Variants in ZER1 observed in about 807,000 individuals in gnomAD.
ZER1 encodes protein zer-1 homolog.
A neutral mutation model predicts 78.8 loss-of-function variants in ZER1; 11 were observed. The ratio of observed to expected loss-of-function variants is 0.14; its 90% CI spans 0.09 to 0.23. The LOEUF is 0.23. ZER1 is among the 10% of genes least tolerant of loss of function. The pLI is 1.00. For synonymous variants in ZER1, 400 were observed against 407.0 expected (o/e 0.98, Z 0.21); for missense variants, 588 against 996.9 (o/e 0.59, Z 5.52).
chr9:128,731,574 C>A (rs1298862854), intron 15 of ZER1, among the ~76,000 whole-genome samples, 180 bp from the exon 16 acceptor site: 1 of 152,154 alleles, frequency 6.6e-6, no homozygotes, highest in Non-Finnish European at 1.5e-5. Flanking sequence ...CAGGGAATGG[C>A]ACCTGTGGCC....
At position 128,753,524 on chromosome 9, in the gene ZER1, T is replaced by C; in HGVS notation, c.386A>G (p.His129Arg). The change falls in exon 4 of 16, where the codon CAC (histidine) becomes CGC (arginine). Residue 129 changes from histidine to arginine, a missense_variant. His to Arg is a conservative substitution (Grantham distance 29). This residue lies in a region of ZER1 where 406 missense variants were observed against 660.1 expected (regional missense o/e 0.62). Coordinates refer to ENST00000291900, the MANE Select transcript of ZER1 (RefSeq NM_006336.4). The surrounding 1 kb of genome is among the most constrained non-coding windows in gnomAD (Gnocchi z 7.5). ...GAAGAGGCTCAAGGACACCAGGGTG[T>C]GGCTGAAGCTCCTCAGTGTCTGCAG... The part of the protein sequence containing the change: ...KSLQTLRSFS[H>R]TLVSLSLFGC... The C allele has an allele frequency of 6.2e-7, 1 of 1,614,094 alleles. No individual in the cohort carries two copies. Among genetic ancestry groups the C allele is most frequent in the African/African-American group, 1.3e-5 (1 of 75,062 alleles).
intron 14 of ZER1, among the ~76,000 whole-genome samples, chr9:128,734,647 C>A (rs1862998655): frequency 6.6e-6 from 1 of 152,008 alleles, no homozygotes; most frequent in Non-Finnish European, 1.5e-5. Flanking sequence ...AGCGCTCATT[C>A]TATGGAAGAT....
intron 1 of ZER1, among the ~76,000 whole-genome samples, chr9:128,763,800 C>A (rs1300904781): frequency 6.6e-6 from 1 of 152,080 alleles, no homozygotes; most frequent in African/African-American, 2.4e-5. Flanking sequence ...CCAGCCTGGC[C>A]AACATGGTGA....
intron 11 of ZER1, 117 bp downstream of exon 11, chr9:128,741,418 C>T: frequency 2.0e-6 from 3 of 1,488,792 alleles, no homozygotes; most frequent in South Asian, 2.4e-5. Flanking sequence ...CCCCACTGCC[C>T]TTCTCCAGGA....
chr9:128,765,425 C>T (rs183493363), intron 1 of ZER1, among the ~76,000 whole-genome samples: 1 of 152,346 alleles, frequency 6.6e-6, no homozygotes, highest in Admixed American at 6.5e-5. Flanking sequence ...CACAACTAAG[C>T]AGAAGCTTGC....
chr9:128,752,327 C>CTT (rs144410732), intron 5 of ZER1, among the ~76,000 whole-genome samples: 7 of 143,388 alleles, frequency 4.9e-5, no homozygotes, highest in South Asian at 2.2e-4. Flanking sequence ...CAAATACTTT[C>CTT]TTTTTTTTTT....
rs111948467 is a variant in ZER1, at chr9:128,741,247, C to T, written c.1737+288G>A. ...AACAGACCCGCTGTCCAGCTCGTAG[C>T]GTAGTGGGCTCTGGCCAGCTGTGGG... is the stretch of plus-strand genomic sequence containing the variant. On this transcript the variant is annotated intron_variant, in intron 11 of 15. Coordinates refer to ENST00000291900, the MANE Select transcript of ZER1 (RefSeq NM_006336.4). 3.2e-3 allele frequency among the ~76,000 whole-genome samples: 492 copies of T among 152,314 alleles called. 2 individuals carry two copies. Among genetic ancestry groups the T allele is most frequent in the African/African-American group, 0.011 (467 of 41,570 alleles).
chr9:128,749,053 C>T (rs1044735151), intron 8 of ZER1, among the ~76,000 whole-genome samples: 1 of 149,038 alleles, frequency 6.7e-6, no homozygotes, highest in African/African-American at 2.5e-5. Context: ...TGTGGCTGAG[C>T]ACGGTGGCTC....
rs954470507 is a variant in ZER1 at position 128,732,629 on chromosome 9, G to T, written c.2243+797C>A. ...GATGCACCCACCTCAGCCTCCCAAA[G>T]TGCTAGGATTACAGGTGTGAGCCAC... On this transcript the variant is annotated intron_variant, in intron 15 of 15. Transcript: ENST00000291900. This position sits in a 1 kb window ranked among gnomAD's most constrained non-coding sequence, Gnocchi z 4.8. Among the ~76,000 whole-genome samples, 1 of 152,186 alleles carries T rather than the reference G, an allele frequency of 6.6e-6. No individual in the cohort carries two copies. The highest frequency in any genetic ancestry group is 1.5e-5 in the Non-Finnish European group (1 of 68,038).
chr9:128,768,023 GA>G (rs1292195944), intron 1 of ZER1, among the ~76,000 whole-genome samples: 1 of 152,226 alleles, frequency 6.6e-6, no homozygotes, highest in Non-Finnish European at 1.5e-5. Context: ...CGCGTGTTGT[GA>G]ACAGGGTTGC....
chr9:128,748,152 T>C (rs1863555511), intron 8 of ZER1, among the ~76,000 whole-genome samples: 1 of 151,982 alleles, frequency 6.6e-6, no homozygotes, highest in South Asian at 2.1e-4. Flanking sequence ...ATGCCTATAA[T>C]CCCAGCACTT....
At chr9:128,752,176 C>T (rs1227274494) in intron 5 of ZER1, among the ~76,000 whole-genome samples, 4 of 152,192 alleles carry the variant, frequency 2.6e-5, no homozygotes, top group African/African-American at 4.8e-5. Flanking sequence ...CAGGCCACAC[C>T]GGGGCCCTGG....
chr9:128,762,900 G>A (rs545515661), intron 1 of ZER1, among the ~76,000 whole-genome samples: 3 of 152,276 alleles, frequency 2.0e-5, no homozygotes, highest in African/African-American at 7.2e-5. Flanking sequence ...GGAACCAGAG[G>A]GAGCACTGCT....
rs773813493 is a variant in ZER1, at chr9:128,751,215, C to T, written c.1092G>A (p.Thr364=). ...EQVLNAIEAY[T]EHRPEITSRA... ...GCGAGGTGATCTCAGGCCGGTGCTC[C>T]GTGTAGGCCTCGATGGCATTCAGCA... The change falls in exon 7 of 16, where the codon ACG becomes ACA. Residue 364 remains threonine (T), a synonymous_variant. Transcript: ENST00000291900. The surrounding 1 kb of genome is among the most constrained non-coding windows in gnomAD (Gnocchi z 5.4). 1.3e-4 allele frequency: 214 copies of T among 1,606,406 alleles called. No homozygotes were observed. The highest frequency in any genetic ancestry group is 1.7e-4 in the Non-Finnish European group (202 of 1,173,736).
At chr9:128,765,471 C>A (rs1024190018) in intron 1 of ZER1, among the ~76,000 whole-genome samples, 24 of 152,136 alleles carry the variant, frequency 1.6e-4, no homozygotes, top group African/African-American at 5.8e-4. Flanking sequence ...GGGATGCAAA[C>A]CTAAAGCAGA....
chr9:128,736,284 C>G (rs917339708), intron 13 of ZER1, among the ~76,000 whole-genome samples: 1 of 152,042 alleles, frequency 6.6e-6, no homozygotes, highest in African/African-American at 2.4e-5. Flanking sequence ...CAGGGTTTCA[C>G]TATGTTGGCC....
chr9:128,771,708 AGAGCCGGGGTCCAGGG>A lies in ZER1; in HGVS notation c.-238_-223del, dbSNP rs1864391167. 6.6e-6 allele frequency: 1 copy of A among 151,636 alleles called. No individual in the cohort carries two copies. Among genetic ancestry groups the A allele is most frequent in the African/African-American group, 2.4e-5 (1 of 41,326 alleles). The allele number at this position is 151,636 out of a possible 1,614,324, so 9.4% of individuals were successfully genotyped here. On this transcript the variant is annotated 5_prime_UTR_variant, in exon 1 of 16. Transcript: ENST00000291900. The stretch of plus-strand genomic sequence containing the variant: ...AGGAGGTTGGGGATCTCGTCAGGCT[AGAGCCGGGGTCCAGGG>A]GAGACGGGGGTCGGCGGGGCGGAGC...
chr9:128,758,974 A>G (rs1317180116), intron 1 of ZER1, among the ~76,000 whole-genome samples: 2 of 151,534 alleles, frequency 1.3e-5, no homozygotes, highest in Non-Finnish European at 2.9e-5. Context: ...CCTGTGTATC[A>G]TGATGTGTGT....
Position 128,753,802 on chromosome 9 carries a change from G to A in ZER1, c.309+7C>T, listed in dbSNP as rs1243587754. 1.3e-6 allele frequency: 2 copies of A among 1,564,102 alleles called. No homozygotes were observed. The highest frequency in any genetic ancestry group is 1.3e-5 in the African/African-American group (1 of 74,716). Reference sequence around the variant, plus strand: ...CCCTCCTGGCGCTGTGGCGGGGCAGGTCTCACCTGCTTGCGGATGGCCTCC... The same window carrying A: ...CCCTCCTGGCGCTGTGGCGGGGCAGATCTCACCTGCTTGCGGATGGCCTCC... On this transcript the variant is annotated splice_region_variant and intron_variant, in intron 3 of 15. Coordinates refer to ENST00000291900, the MANE Select transcript of ZER1 (RefSeq NM_006336.4). The surrounding 1 kb of genome is among the most constrained non-coding windows in gnomAD (Gnocchi z 7.5).
Sources: allele counts gnomAD v4.1 joint callset (sites outside exome capture counted in the v4.1 genomes callset), GRCh38; gene constraint gnomAD v4.1.1; regional missense constraint gnomAD v4.1.1; non-coding constraint Gnocchi (gnomAD v3.1); transcripts MANE v1.5; gene names NCBI Gene and HGNC (gene_info 2026-07-23, HGNC 2026-07-21).